Variants in PAN3 observed in about 807,000 individuals in gnomAD.
PAN3 encodes PAN2-PAN3 deadenylation complex subunit PAN3.
Under a neutral mutation model 96.2 loss-of-function variants are expected in PAN3, and 19 were observed. The ratio of observed to expected loss-of-function variants is 0.20; its 90% CI spans 0.14 to 0.29. The LOEUF (loss-of-function observed/expected upper bound fraction) is 0.29. Among genes scored for constraint, PAN3 ranks in the 10% least tolerant of loss-of-function variants. PAN3 has a pLI of 1.00. For synonymous variants in PAN3, 433 were observed against 406.6 expected, an observed-to-expected ratio of 1.06 and a Z score of -0.78; for missense variants, 882 against 1,108.1, an observed-to-expected ratio of 0.80 and a Z score of 2.90.
At chr13:28,164,422 A>G (rs2138045885) in intron 1 of PAN3, among the ~76,000 whole-genome samples, 1 of 152,360 alleles carries the variant, frequency 6.6e-6, no homozygotes, top group South Asian at 2.1e-4. Context: ...TGCTAATGTC[A>G]AACTAAGAAG....
chr13:28,178,006 G>T lies in PAN3; in HGVS notation c.690+71G>T. 6 of 1,397,844 alleles carry T rather than the reference G, an allele frequency of 4.3e-6. No homozygotes were observed. The South Asian group carries it at 7.1e-5, about 17-fold the overall frequency. The allele number at this position is 1,397,844 out of a possible 1,614,324, so 86.6% of individuals were successfully genotyped here. On this transcript the variant is annotated intron_variant, in intron 4 of 18. Transcript: ENST00000380958. ...TGATGTTGGCATTGTTACCTATGTAGTGTCAATGTTTTTGTAAGTGGAGGG... is the reference window on the plus strand; with the variant it reads ...TGATGTTGGCATTGTTACCTATGTATTGTCAATGTTTTTGTAAGTGGAGGG...
intron 6 of PAN3, among the ~76,000 whole-genome samples, chr13:28,245,323 A>G (rs955260257): frequency 1.3e-5 from 2 of 151,132 alleles, no homozygotes; most frequent in Non-Finnish European, 2.9e-5. Context: ...CAGGTCTTAT[A>G]CAGTTCTAGT....
At chr13:28,182,433 G>A (rs996460043) in intron 4 of PAN3, among the ~76,000 whole-genome samples, 3 of 151,652 alleles carry the variant, frequency 2.0e-5, no homozygotes, top group African/African-American at 7.3e-5. Context: ...TATTTCTTTG[G>A]TTTACTTTAG....
intron 6 of PAN3, among the ~76,000 whole-genome samples, chr13:28,221,501 G>A (rs1302762092): frequency 6.6e-6 from 1 of 152,044 alleles, no homozygotes; most frequent in Non-Finnish European, 1.5e-5. Flanking sequence ...CTAATTCAAG[G>A]ACCTCTTTGG....
chr13:28,152,267 C>T (rs991581196), intron 1 of PAN3, among the ~76,000 whole-genome samples: 6 of 152,132 alleles, frequency 3.9e-5, no homozygotes, highest in Admixed American at 3.3e-4. Flanking sequence ...CTCTCTCTAT[C>T]CCCTGCTATA....
chr13:28,238,300 C>T (rs1198195128), intron 6 of PAN3, among the ~76,000 whole-genome samples: 1 of 152,178 alleles, frequency 6.6e-6, no homozygotes, highest in Non-Finnish European at 1.5e-5. Flanking sequence ...TATCAGGTGG[C>T]ATTATACAAT....
chr13:28,228,139 G>T (rs1882195745), intron 6 of PAN3, among the ~76,000 whole-genome samples: 1 of 152,170 alleles, frequency 6.6e-6, no homozygotes, highest in Admixed American at 6.5e-5. Flanking sequence ...GATAGTATTT[G>T]TGTGAATAAA....
intron 4 of PAN3, among the ~76,000 whole-genome samples, chr13:28,179,400 A>G (rs1185902258): frequency 6.6e-6 from 1 of 152,172 alleles, no homozygotes; most frequent in Non-Finnish European, 1.5e-5. Context: ...TTCCCTAATC[A>G]CTTTTTCTCA....
In PAN3 at chr13:28,295,253, C is replaced by T. The variant is rs1438268941; in HGVS notation, c.*2731C>T. ...GTGTGTTAGGTTCTAATGTCATGACCCAATTTGTGTTATTCATCTTTAATC... is the reference window on the plus strand; with the variant it reads ...GTGTGTTAGGTTCTAATGTCATGACTCAATTTGTGTTATTCATCTTTAATC... On this transcript the variant is annotated 3_prime_UTR_variant, in exon 19 of 19. Coordinates refer to ENST00000380958, the MANE Select transcript of PAN3 (RefSeq NM_175854.8). 1.3e-5 allele frequency: 2 copies of T among 152,060 alleles called. No homozygotes were observed. Among genetic ancestry groups the T allele is most frequent in the African/African-American group, 4.8e-5 (2 of 41,394 alleles). The allele number at this position is 152,060 out of a possible 1,614,324, so 9.4% of individuals were successfully genotyped here.
intron 5 of PAN3, chr13:28,215,007 AAG>A: frequency 7.9e-7 from 1 of 1,262,134 alleles, no homozygotes; most frequent in East Asian, 2.3e-5. Context: ...TTACAGCCAG[AAG>A]AGATATGAGG....
At chr13:28,281,260 T>G in intron 16 of PAN3, 55 bp from the exon 17 acceptor site, 1 of 1,483,954 alleles carries the variant, frequency 6.7e-7, no homozygotes, top group Non-Finnish European at 9.3e-7. Context: ...ATTTTGGCTT[T>G]TATGTTCAGT....
chr13:28,286,215 CTGTG>C (rs1868955329), intron 17 of PAN3, among the ~76,000 whole-genome samples: 1 of 152,174 alleles, frequency 6.6e-6, no homozygotes, highest in East Asian at 1.9e-4. Context: ...CCTCTACTGT[CTGTG>C]GTATAAGCCT....
Position 28,140,417 on chromosome 13 carries a change from T to A in PAN3, c.430+1330T>A, listed in dbSNP as rs114751511. 6.9e-3 allele frequency among the ~76,000 whole-genome samples: 1,040 copies of A among 151,480 alleles called. 11 individuals carry two copies. Among genetic ancestry groups the A allele is most frequent in the African/African-American group, 0.025 (1,005 of 40,748 alleles). On this transcript the variant is annotated intron_variant, in intron 1 of 18. Transcript: ENST00000380958. The stretch of plus-strand genomic sequence containing the variant: ...TCTGGAGAACTAGATCTTAAAATAA[T>A]CTGATAGGCAGTTCAATTTGTACAT...
chr13:28,176,360 AG>A lies in PAN3; in HGVS notation c.553-131del, dbSNP rs1475895695. 5.0e-6 allele frequency: 4 copies of A among 803,278 alleles called. No homozygotes were observed. In the Admixed American group the frequency reaches 9.1e-5, roughly 18 times the overall value. 49.8% of individuals were successfully genotyped at this position (803,278 alleles called of 1,614,324 possible). A position where few individuals can be genotyped will look rare whatever the true frequency, so the allele number is the denominator to read the frequency against. ...TTGTAATCCAAGCAGTAACACTTAC[AG>A]GAAGATTAGATTGTCAGTAATGTGA... On this transcript the variant is annotated intron_variant, in intron 2 of 18. Transcript: ENST00000380958.
At chr13:28,150,637 C>CAA (rs71737721) in intron 1 of PAN3, among the ~76,000 whole-genome samples, 19 of 74,008 alleles carry the variant, frequency 2.6e-4, no homozygotes, top group African/African-American at 5.9e-4. Context: ...ACTCTGTCTC[C>CAA]AAAAAAAAAA....
At chr13:28,176,696 C>T (rs1364494848) in intron 3 of PAN3, 137 bp downstream of exon 3, 1 of 837,246 alleles carries the variant, frequency 1.2e-6, no homozygotes, top group East Asian at 2.6e-5. Context: ...TCTTCCCACT[C>T]AGATCTAACT....
At chr13:28,280,082 G>A (rs1340547930) in intron 15 of PAN3, among the ~76,000 whole-genome samples, 1 of 152,022 alleles carries the variant, frequency 6.6e-6, no homozygotes, top group African/African-American at 2.4e-5. Flanking sequence ...CACTGCACCT[G>A]GCCTGTAACA....
At chr13:28,147,307 T>C (rs1023238380) in intron 1 of PAN3, among the ~76,000 whole-genome samples, 10 of 152,360 alleles carry the variant, frequency 6.6e-5, no homozygotes, top group African/African-American at 1.9e-4. Flanking sequence ...CTAAGGAATA[T>C]CTAGATTTAC....
intron 4 of PAN3, among the ~76,000 whole-genome samples, chr13:28,192,703 G>T (rs146944123): frequency 6.6e-6 from 1 of 152,246 alleles, no homozygotes; most frequent in East Asian, 1.9e-4. Context: ...GTCTTCGAGC[G>T]TAAGGTGTGT....
Sources: allele counts gnomAD v4.1 joint callset (sites outside exome capture counted in the v4.1 genomes callset), GRCh38; gene constraint gnomAD v4.1.1; transcripts MANE v1.5; gene names NCBI Gene and HGNC (gene_info 2026-07-23, HGNC 2026-07-21).